The following PAX1 variants were observed in gnomAD, a reference collection of about 807,000 sequenced individuals.
The protein encoded by PAX1 is paired box 1, also known as paired box protein Pax-1.
PAX1 carries 18 observed loss-of-function variants against 35.6 expected under a neutral mutation model. The observed-to-expected ratio is 0.50, with a 90% CI of 0.35 to 0.75. The LOEUF (loss-of-function observed/expected upper bound fraction) is 0.75. PAX1 is among the 30% of genes least tolerant of loss of function. PAX1 has a pLI of 0.01. For synonymous variants in PAX1, 397 were observed against 305.2 expected, an observed-to-expected ratio of 1.30 and a Z score of -3.14; for missense variants, 760 against 661.5, an observed-to-expected ratio of 1.15 and a Z score of -1.63.
At chr20:21,711,002 T>C (rs953758317) in intron 4 of PAX1, among the ~76,000 whole-genome samples, 8 of 152,230 alleles carry the variant, frequency 5.3e-5, no homozygotes, top group South Asian at 2.1e-4. Context: ...TGTTTAAGGA[T>C]AGTTAAGGGG....
Position 21,715,387 on chromosome 20 carries a change from TA to T in PAX1, c.*831del, listed in dbSNP as rs1303972344. ...GTATTTTTTTTGTAATAACAAACCC[TA>T]AAAAACCCTCCATGAACTGTCCTCT... On this transcript the variant is annotated 3_prime_UTR_variant, in exon 5 of 5. Transcript: ENST00000613128. The T allele has an allele frequency of 3.9e-5, 6 of 154,198 alleles. No homozygotes were observed. Among genetic ancestry groups the T allele is most frequent in the African/African-American group, 1.4e-4 (6 of 41,406 alleles). The allele number at this position is 154,198 out of a possible 1,614,324, so 9.6% of individuals were successfully genotyped here. A position where few individuals can be genotyped will look rare whatever the true frequency, so the allele number is the denominator to read the frequency against.
At chr20:21,707,566 G>C (rs1014555444) in intron 2 of PAX1, among the ~76,000 whole-genome samples, 5 of 152,116 alleles carry the variant, frequency 3.3e-5, no homozygotes, top group African/African-American at 1.2e-4. Flanking sequence ...TGGAGTTTGC[G>C]GTGATGGCTG....
chr20:21,713,761 C>G (rs1299475875), intron 4 of PAX1, among the ~76,000 whole-genome samples: 1 of 152,220 alleles, frequency 6.6e-6, no homozygotes, highest in Non-Finnish European at 1.5e-5. Flanking sequence ...GAATACTGCC[C>G]GATCTGGCAA....
rs139500536 is a variant in PAX1, at chr20:21,718,308, T to A, written c.*3746T>A. On this transcript the variant is annotated 3_prime_UTR_variant, in exon 5 of 5. Transcript: ENST00000613128. ...CATGAAGTTTTGCCCTTCTTGAATATGCCCCGAGTTGTTCTACAGATCACT... is the reference window on the plus strand; with the variant it reads ...CATGAAGTTTTGCCCTTCTTGAATAAGCCCCGAGTTGTTCTACAGATCACT... The A allele has an allele frequency of 2.6e-5, 4 of 152,302 alleles. No homozygotes were observed. Among genetic ancestry groups the A allele is most frequent in the Non-Finnish European group, 5.9e-5 (4 of 68,024 alleles). The allele number at this position is 152,302 out of a possible 1,614,324, so 9.4% of individuals were successfully genotyped here. A position where few individuals can be genotyped will look rare whatever the true frequency, so the allele number is the denominator to read the frequency against.
At chr20:21,712,559 C>T (rs182171183) in intron 4 of PAX1, among the ~76,000 whole-genome samples, 2 of 152,326 alleles carry the variant, frequency 1.3e-5, no homozygotes, top group African/African-American at 2.4e-5. Context: ...TTCAGAGACC[C>T]TCGAAACCTC....
intron 4 of PAX1, among the ~76,000 whole-genome samples, chr20:21,712,196 A>C (rs17861042): frequency 0.036 from 5,541 of 152,322 alleles, 357 homozygotes; most frequent in African/African-American, 0.13. Context: ...TCAAATGTCA[A>C]ATCGAAAATT....
chr20:21,715,094 C>T lies in PAX1; in HGVS notation c.*532C>T, dbSNP rs1985326576. ...TCTTCCCCCGTCTCCTCTTTCTAGTCCTCTATATGCTATCAGCCCTTTTTC... is the reference window on the plus strand; with the variant it reads ...TCTTCCCCCGTCTCCTCTTTCTAGTTCTCTATATGCTATCAGCCCTTTTTC... On this transcript the variant is annotated 3_prime_UTR_variant, in exon 5 of 5. Transcript: ENST00000613128. The T allele has an allele frequency of 5.6e-6, 3 of 533,558 alleles. No individual in the cohort carries two copies. In the Admixed American group the frequency reaches 9.6e-5, roughly 17 times the overall value. 33.1% of individuals were successfully genotyped at this position (533,558 alleles called of 1,614,324 possible). A position where few individuals can be genotyped will look rare whatever the true frequency, so the allele number is the denominator to read the frequency against.
At chr20:21,714,379 C>G in intron 4 of PAX1, 92 bp from the exon 5 acceptor site, 1 of 927,184 alleles carries the variant, frequency 1.1e-6, no homozygotes, top group South Asian at 1.7e-5. Flanking sequence ...TGAGCGCTCA[C>G]GACCTCGCTC....
chr20:21,713,709 T>C (rs1371604367), intron 4 of PAX1, among the ~76,000 whole-genome samples: 1 of 152,150 alleles, frequency 6.6e-6, no homozygotes, highest in Non-Finnish European at 1.5e-5. Flanking sequence ...GTGGCAAAAC[T>C]TGGGCCCCTT....
At chr20:21,709,474 A>C (rs549671573) in intron 4 of PAX1, 30 bp downstream of exon 4, 1 of 1,473,626 alleles carries the variant, frequency 6.8e-7, no homozygotes, top group South Asian at 1.3e-5. Context: ...GGGCGGGTGG[A>C]TGCTGGAAGG....
At position 21,709,400 on chromosome 20, in the gene PAX1, G is replaced by A. The variant is rs1411120245; in HGVS notation, c.1238G>A (p.Gly413Glu). 2.6e-6 allele frequency: 4 copies of A among 1,548,066 alleles called. No homozygotes were observed. The highest frequency in any genetic ancestry group is 3.5e-6 in the Non-Finnish European group (4 of 1,151,424). The change falls in exon 4 of 5, where the codon GGG becomes GAG. Residue 413 changes from glycine (G) to glutamate (E), a missense_variant. Physicochemically the swap from Gly to Glu is moderately conservative, Grantham distance 98. This residue lies in a region of PAX1 where 490 missense variants were observed against 428.4 expected (regional missense o/e 1.14). Transcript: ENST00000613128. Reference sequence around the variant, plus strand: ...GGGGCCGGCGTAGCTGTGCATGGCGGGGAACTCGCGGCAGCAATGACCTTC... The same window carrying A: ...GGGGCCGGCGTAGCTGTGCATGGCGAGGAACTCGCGGCAGCAATGACCTTC... The part of the protein sequence containing the change: ...PPGAGVAVHG[G>E]ELAAAMTFKH...
chr20:21,717,490 T>G lies in PAX1; in HGVS notation c.*2928T>G, dbSNP rs1985410897. On this transcript the variant is annotated 3_prime_UTR_variant, in exon 5 of 5. Coordinates refer to ENST00000613128, the MANE Select transcript of PAX1 (RefSeq NM_001257096.2). ...GTTAACAAAAGTTAGAGGAATCACT[T>G]GTAAGGTTGGTGGGAGACCCAGAAT... The G allele has an allele frequency of 6.6e-6, 1 of 152,188 alleles. No homozygotes were observed. Among genetic ancestry groups the G allele is most frequent in the African/African-American group, 2.4e-5 (1 of 41,448 alleles). The allele number at this position is 152,188 out of a possible 1,614,324, so 9.4% of individuals were successfully genotyped here. A position where few individuals can be genotyped will look rare whatever the true frequency, so the allele number is the denominator to read the frequency against.
chr20:21,706,285 C>G lies in PAX1; in HGVS notation c.287-153C>G, dbSNP rs532901433. The G allele has an allele frequency of 9.8e-7, 1 of 1,025,034 alleles. No homozygotes were observed. Among genetic ancestry groups the G allele is most frequent in the Non-Finnish European group, 1.5e-6 (1 of 671,628 alleles). The allele number at this position is 1,025,034 out of a possible 1,614,324, so 63.5% of individuals were successfully genotyped here. ...TTGCCCACTCCAAGCCAGACCCAGG[C>G]GGTTTGCCCTTGGACTCCGAGCTGT... is the stretch of plus-strand genomic sequence containing the variant. On this transcript the variant is annotated intron_variant, in intron 1 of 4. Transcript: ENST00000613128. The surrounding 1 kb of genome is among the most constrained non-coding windows in gnomAD (Gnocchi z 5.3).
chr20:21,706,638 G>C lies in PAX1; in HGVS notation c.487G>C (p.Gly163Arg), dbSNP rs1418673542. ...RYNETGSILP[G>R]AIGGSKPRVT... ...CAACGAGACCGGCTCCATTCTGCCCGGGGCCATCGGGGGGAGCAAGCCCCG... is the reference window on the plus strand; with the variant it reads ...CAACGAGACCGGCTCCATTCTGCCCCGGGCCATCGGGGGGAGCAAGCCCCG... The change falls in exon 2 of 5, where the codon GGG (glycine) becomes CGG (arginine). Residue 163 changes from glycine (G) to arginine (R), a missense_variant. Gly to Arg is a moderately radical substitution (Grantham distance 125). Around this residue, in one of 3 missense-constraint regions of PAX1, gnomAD observed 490 missense variants for 428.4 expected, o/e 1.14. Coordinates refer to ENST00000613128, the MANE Select transcript of PAX1 (RefSeq NM_001257096.2). This position sits in a 1 kb window ranked among gnomAD's most constrained non-coding sequence, Gnocchi z 5.3. 5 of 1,611,994 alleles carry C rather than the reference G, an allele frequency of 3.1e-6. No individual in the cohort carries two copies. Among genetic ancestry groups the C allele is most frequent in the Admixed American group, 1.7e-5 (1 of 60,028 alleles).
rs1413623621 is a variant in PAX1 at position 21,710,889 on chromosome 20, C to CT, written c.1282+1448dup. 2.0e-5 allele frequency among the ~76,000 whole-genome samples: 3 copies of CT among 152,278 alleles called. No individual in the cohort carries two copies. In the East Asian group the frequency reaches 5.8e-4, roughly 29 times the overall value. On this transcript the variant is annotated intron_variant, in intron 4 of 4. Transcript: ENST00000613128. ...AATTGGGATTTAGAGCTCTTTTAAA[C>CT]TTTAAGTTTAATTTAAATAGGATAC...
At chr20:21,712,770 G>T (rs947714506) in intron 4 of PAX1, among the ~76,000 whole-genome samples, 2 of 152,194 alleles carry the variant, frequency 1.3e-5, no homozygotes, top group African/African-American at 2.4e-5. Context: ...GCACTAGGTC[G>T]CTGGCATTGT....
In PAX1 at chr20:21,708,634, C is replaced by T; in HGVS notation, c.993C>T (p.Phe331=). The change falls in exon 3 of 5, where the codon TTC becomes TTT. Residue 331 remains phenylalanine, a synonymous_variant. Transcript: ENST00000613128. ...EDWAGVNRTA[F]PATPAVNGLE... ...GGGCCGGCGTGAACCGCACGGCCTT[C>T]CCCGCCACCCCCGCAGTGAATGGGC... The T allele has an allele frequency of 6.2e-7, 1 of 1,613,554 alleles. No individual in the cohort carries two copies. Among genetic ancestry groups the T allele is most frequent in the Non-Finnish European group, 8.5e-7 (1 of 1,179,948 alleles).
rs1301083433 is a variant in PAX1 at position 21,706,412 on chromosome 20, C to G, written c.287-26C>G. 6.2e-7 allele frequency: 1 copy of G among 1,610,160 alleles called. No homozygotes were observed. Among genetic ancestry groups the G allele is most frequent in the Admixed American group, 1.7e-5 (1 of 60,010 alleles). ...CGCCGGGTGTTTTCTCCCCCTCCGGCTCACTCTTGTCTGGCGCATCCGCAG... is the reference window on the plus strand; with the variant it reads ...CGCCGGGTGTTTTCTCCCCCTCCGGGTCACTCTTGTCTGGCGCATCCGCAG... On this transcript the variant is annotated intron_variant, in intron 1 of 4. Coordinates refer to ENST00000613128, the MANE Select transcript of PAX1 (RefSeq NM_001257096.2). The surrounding 1 kb of genome is among the most constrained non-coding windows in gnomAD (Gnocchi z 5.3).
Position 21,705,966 on chromosome 20 carries a change from G to A in PAX1, c.254G>A (p.Gly85Asp). Reference protein sequence around the residue: ...GPSPGHPGHPGARQLAGPLAM... With the variant: ...GPSPGHPGHPDARQLAGPLAM... Reference sequence around the variant, plus strand: ...AGCCCCGGCCACCCCGGCCACCCCGGCGCCAGGCAGCTGGCCGGCCCGCTC... The same window carrying A: ...AGCCCCGGCCACCCCGGCCACCCCGACGCCAGGCAGCTGGCCGGCCCGCTC... Residue 85 changes from glycine to aspartate, a missense_variant, in exon 1 of 5, where the codon GGC becomes GAC. By Grantham distance (94) the Gly-to-Asp change is moderately conservative (BLOSUM62 -1). Around this residue, in one of 3 missense-constraint regions of PAX1, gnomAD observed 222 missense variants for 153.0 expected, o/e 1.45. Transcript: ENST00000613128. 1 of 1,488,854 alleles carries A rather than the reference G, an allele frequency of 6.7e-7. No homozygotes were observed. The highest frequency in any genetic ancestry group is 8.9e-7 in the Non-Finnish European group (1 of 1,128,274). 92.2% of individuals were successfully genotyped at this position (1,488,854 alleles called of 1,614,324 possible). A position where few individuals can be genotyped will look rare whatever the true frequency, so the allele number is the denominator to read the frequency against.
Sources: allele counts gnomAD v4.1 joint callset (sites outside exome capture counted in the v4.1 genomes callset), GRCh38; gene constraint gnomAD v4.1.1; regional missense constraint gnomAD v4.1.1; non-coding constraint Gnocchi (gnomAD v3.1); transcripts MANE v1.5; gene names NCBI Gene and HGNC (gene_info 2026-07-23, HGNC 2026-07-21).